SATB1: variants seen among roughly 807,000 people sequenced by gnomAD.
The protein encoded by SATB1 is DNA-binding protein SATB1.
SATB1 carries 11 observed loss-of-function variants against 86.9 expected under a neutral mutation model. The observed-to-expected ratio is 0.13, with a 90% CI of 0.08 to 0.21. The LOEUF is 0.21. SATB1 is among the 10% of genes least tolerant of loss of function. The pLI, the probability that SATB1 is intolerant of heterozygous loss-of-function variation, is 1.00. For missense variants in SATB1, 551 were observed against 937.6 expected (o/e 0.59, Z 5.39); for synonymous variants, 357 against 357.2 (o/e 1.00, Z 0.01).
At chr3:18,413,829 A>G (rs1697988753) in intron 5 of SATB1, among the ~76,000 whole-genome samples, 1 of 152,122 alleles carries the variant, frequency 6.6e-6, no homozygotes, top group African/African-American at 2.4e-5. Context: ...GCTATTAATT[A>G]TAAACAATTC....
At chr3:18,395,617 G>A (rs1410498268) in intron 6 of SATB1, among the ~76,000 whole-genome samples, 1 of 152,192 alleles carries the variant, frequency 6.6e-6, no homozygotes, top group Non-Finnish European at 1.5e-5. Context: ...GTGATTTATT[G>A]TATATCAAGC....
intron 9 of SATB1, among the ~76,000 whole-genome samples, chr3:18,363,423 T>C (rs1695017845): frequency 6.6e-6 from 1 of 152,152 alleles, no homozygotes; most frequent in Non-Finnish European, 1.5e-5. Context: ...TGGGTCTCAG[T>C]GACAATGGCC....
chr3:18,430,599 G>A (rs554409900), intron 2 of SATB1, among the ~76,000 whole-genome samples: 2 of 152,096 alleles, frequency 1.3e-5, no homozygotes, highest in Non-Finnish European at 2.9e-5. Flanking sequence ...ATACCTACTC[G>A]AACTGGGAGG....
At chr3:18,363,084 T>C (rs997235515) in intron 9 of SATB1, among the ~76,000 whole-genome samples, 1 of 152,150 alleles carries the variant, frequency 6.6e-6, no homozygotes, top group Non-Finnish European at 1.5e-5. Flanking sequence ...ACACTCCCTA[T>C]TATGCATATT....
rs2125120566 is a variant in SATB1 at position 18,348,169 on chromosome 3, A to T, written c.*1001T>A. 1 of 152,788 alleles carries T rather than the reference A, an allele frequency of 6.5e-6. No homozygotes were observed. The highest frequency in any genetic ancestry group is 2.1e-4 in the South Asian group (1 of 4,830). The allele number at this position is 152,788 out of a possible 1,614,324, so 9.5% of individuals were successfully genotyped here. The stretch of plus-strand genomic sequence containing the variant: ...AACCAAAGGAAGACACATTGCAAAC[A>T]TCAATTATTTTCACATTAATTGCAT... On this transcript the variant is annotated 3_prime_UTR_variant, in exon 11 of 11. Coordinates refer to ENST00000338745, the MANE Select transcript of SATB1 (RefSeq NM_002971.6).
At chr3:18,382,908 T>C (rs765455788) in intron 8 of SATB1, among the ~76,000 whole-genome samples, 6 of 152,226 alleles carry the variant, frequency 3.9e-5, no homozygotes, top group Admixed American at 1.3e-4. Context: ...AGCAGAGGAT[T>C]TGAAAACTCT....
chr3:18,382,042 A>C (rs1316403245), intron 8 of SATB1, among the ~76,000 whole-genome samples: 7 of 152,188 alleles, frequency 4.6e-5, no homozygotes. Context: ...ATAAGAAATA[A>C]AACTTTTACC....
At position 18,416,066 on chromosome 3, in the gene SATB1, T is replaced by C; in HGVS notation, c.456A>G (p.Thr152=). The change falls in exon 4 of 11, where the codon ACA becomes ACG. Residue 152 remains threonine (T), a synonymous_variant. Coordinates refer to ENST00000338745, the MANE Select transcript of SATB1 (RefSeq NM_002971.6). ...LSYVTDAPDA[T]VADMLQDVYH... is the part of the protein sequence containing the mutation. ...ACACATCTTGAAGCATATCTGCTAC[T>C]GTAGCATCAGGGGCATCTGTCACGT... The C allele has an allele frequency of 6.2e-7, 1 of 1,611,084 alleles. No individual in the cohort carries two copies. The highest frequency in any genetic ancestry group is 1.7e-4 in the Middle Eastern group (1 of 6,044).
intron 3 of SATB1, among the ~76,000 whole-genome samples, chr3:18,416,359 A>G (rs1175839698): frequency 1.3e-5 from 2 of 152,102 alleles, no homozygotes; most frequent in African/African-American, 4.8e-5. Flanking sequence ...ATTATTTTGG[A>G]AATAAAACCC....
intron 5 of SATB1, among the ~76,000 whole-genome samples, chr3:18,409,852 C>G (rs1049532591): frequency 6.6e-6 from 1 of 151,964 alleles, no homozygotes; most frequent in East Asian, 1.9e-4. Context: ...AATGGAGCTG[C>G]TCGTAAAAGA....
Position 18,403,911 on chromosome 3 carries a change from T to G in SATB1, c.640-6621A>C, listed in dbSNP as rs144905573. On this transcript the variant is annotated intron_variant, in intron 5 of 10. Transcript: ENST00000338745. Reference sequence around the variant, plus strand: ...TTCTAATCTCCCACCCCTTTGTGCATGTCCTGACTACCTATGGCCTGATTT... The same window carrying G: ...TTCTAATCTCCCACCCCTTTGTGCAGGTCCTGACTACCTATGGCCTGATTT... Among the ~76,000 whole-genome samples the G allele has an allele frequency of 3.3e-5, 5 of 152,200 alleles. No individual in the cohort carries two copies. The East Asian group carries it at 9.7e-4, about 29-fold the overall frequency.
At chr3:18,407,975 T>C (rs747500836) in intron 5 of SATB1, among the ~76,000 whole-genome samples, 12 of 151,950 alleles carry the variant, frequency 7.9e-5, no homozygotes, top group East Asian at 3.9e-4. Flanking sequence ...CCTGAGAGAG[T>C]TGGTGGTATC....
At position 18,356,929 on chromosome 3, in the gene SATB1, A is replaced by C. The variant is rs185613313; in HGVS notation, c.1576-4734T>G. On this transcript the variant is annotated intron_variant, in intron 9 of 10. Coordinates refer to ENST00000338745, the MANE Select transcript of SATB1 (RefSeq NM_002971.6). ...TAACTACTTTTCCAGGAGGAAACAG[A>C]CTTTGGTATTCTCTGAGAAAAAAAG... Among the ~76,000 whole-genome samples, 132 of 151,986 alleles carry C rather than the reference A, an allele frequency of 8.7e-4. 3 individuals carry two copies. Among genetic ancestry groups the C allele is most frequent in the Admixed American group, 8.7e-3 (132 of 15,252 alleles).
chr3:18,423,470 T>G (rs1698492430), intron 1 of SATB1, among the ~76,000 whole-genome samples, 157 bp downstream of exon 1: 1 of 152,144 alleles, frequency 6.6e-6, no homozygotes, highest in Non-Finnish European at 1.5e-5. Context: ...ATAATCACAT[T>G]TTAAGATTGT....
At chr3:18,380,381 C>A (rs1000491425) in intron 8 of SATB1, among the ~76,000 whole-genome samples, 1 of 151,236 alleles carries the variant, frequency 6.6e-6, no homozygotes, top group Non-Finnish European at 1.5e-5. Context: ...CTTTGAGGTG[C>A]GCTATAATCA....
At chr3:18,417,430 T>C in intron 2 of SATB1, 1 of 582,264 alleles carries the variant, frequency 1.7e-6, no homozygotes. Context: ...TTGCTATGAG[T>C]AGTATACAGT....
At chr3:18,353,926 A>T (rs73819445) in intron 9 of SATB1, among the ~76,000 whole-genome samples, 13,759 of 152,228 alleles carry the variant, frequency 0.09, 1,188 homozygotes, top group African/African-American at 0.23. Flanking sequence ...TGAATGCATA[A>T]TTCAAGGTTA....
intron 7 of SATB1, among the ~76,000 whole-genome samples, chr3:18,388,084 T>C (rs1249454801): frequency 6.6e-6 from 1 of 152,174 alleles, no homozygotes; most frequent in East Asian, 1.9e-4. Context: ...GCCTGGAAAT[T>C]GGACCTGAAC....
chr3:18,369,013 G>T (rs1695321900), intron 9 of SATB1, among the ~76,000 whole-genome samples: 1 of 152,004 alleles, frequency 6.6e-6, no homozygotes, highest in Non-Finnish European at 1.5e-5. Context: ...TTCTATAAAA[G>T]CAGAATCCTC....
Sources: gnomAD v4.1 joint callset for allele counts (sites outside exome capture counted in the v4.1 genomes callset) on GRCh38, gnomAD v4.1.1 for gene constraint, MANE v1.5 for transcripts, NCBI Gene and HGNC (gene_info 2026-07-23, HGNC 2026-07-21) for gene names.